The following NPFFR1 variants were observed in gnomAD, a reference collection of about 807,000 sequenced individuals.
NPFFR1 encodes G-protein coupled receptor 147.
A neutral mutation model predicts 12.7 loss-of-function variants in NPFFR1; 17 were observed. That is an observed-to-expected ratio of 1.34 (90% CI 0.92 to 2.01). The LOEUF (loss-of-function observed/expected upper bound fraction) is 2.01, where lower values mean the gene tolerates loss of function less well. Among genes scored for constraint, NPFFR1 ranks in the 30% most tolerant of loss-of-function variants. NPFFR1 has a pLI of 0.00. For missense variants in NPFFR1, 604 were observed against 606.5 expected, an observed-to-expected ratio of 1.00 and a Z score of 0.04; for synonymous variants, 296 against 264.5, an observed-to-expected ratio of 1.12 and a Z score of -1.16.
chr10:70,269,929 C>T (rs144952297), intron 1 of NPFFR1, among the ~76,000 whole-genome samples: 12 of 152,320 alleles, frequency 7.9e-5, no homozygotes, highest in South Asian at 2.1e-4. Context: ...TAGCTCCTCA[C>T]GCACTCCTGC....
At position 70,254,427 on chromosome 10, in the gene NPFFR1, G is replaced by C. The variant is rs575396815; in HGVS notation, c.*530C>G. ...GGGAGTGGCTTCAGTAACGGAACAT[G>C]AGGGACTCCCTCACATGGACACAAA... is the stretch of plus-strand genomic sequence containing the variant. On this transcript the variant is annotated 3_prime_UTR_variant, in exon 4 of 4. Transcript: ENST00000277942. The C allele has an allele frequency of 1.8e-3, 272 of 152,854 alleles. 1 individual carries two copies. The highest frequency in any genetic ancestry group is 1.9e-3 in the Non-Finnish European group (133 of 68,402). 9.5% of individuals were successfully genotyped at this position (152,854 alleles called of 1,614,324 possible).
chr10:70,267,896 G>A (rs1564595806), intron 1 of NPFFR1, among the ~76,000 whole-genome samples: 1 of 152,180 alleles, frequency 6.6e-6, no homozygotes, highest in Non-Finnish European at 1.5e-5. Flanking sequence ...GAGGGACTGC[G>A]GCGGGAGGCG....
chr10:70,247,518 C>T lies in NPFFR1; in HGVS notation c.*7439G>A, dbSNP rs1840462001. The T allele has an allele frequency of 6.6e-6, 1 of 152,134 alleles. No individual in the cohort carries two copies. The highest frequency in any genetic ancestry group is 2.1e-4 in the South Asian group (1 of 4,820). The allele number at this position is 152,134 out of a possible 1,614,324, so 9.4% of individuals were successfully genotyped here. A position where few individuals can be genotyped will look rare whatever the true frequency, so the allele number is the denominator to read the frequency against. ...TACTCCTCCTGGGGGGCAGTCAAAACACAGAAATGTAGATCGCTCAGTCAC... is the reference window on the plus strand; with the variant it reads ...TACTCCTCCTGGGGGGCAGTCAAAATACAGAAATGTAGATCGCTCAGTCAC... On this transcript the variant is annotated 3_prime_UTR_variant, in exon 4 of 4. Transcript: ENST00000277942.
At position 70,254,531 on chromosome 10, in the gene NPFFR1, A is replaced by G. The variant is rs977973194; in HGVS notation, c.*426T>C. 2 of 165,070 alleles carry G rather than the reference A, an allele frequency of 1.2e-5. No homozygotes were observed. Among genetic ancestry groups the G allele is most frequent in the African/African-American group, 2.4e-5 (1 of 42,012 alleles). 10.2% of individuals were successfully genotyped at this position (165,070 alleles called of 1,614,324 possible). A position where few individuals can be genotyped will look rare whatever the true frequency, so the allele number is the denominator to read the frequency against. On this transcript the variant is annotated 3_prime_UTR_variant, in exon 4 of 4. Transcript: ENST00000277942. ...GGACTTACTCAGTTCACAGTGTTCT[A>G]CCTTACCGGGCCCTCTTGGAGCCAG...
At chr10:70,271,790 T>C (rs1840744346) in intron 1 of NPFFR1, among the ~76,000 whole-genome samples, 1 of 151,960 alleles carries the variant, frequency 6.6e-6, no homozygotes, top group Non-Finnish European at 1.5e-5. Flanking sequence ...AGCATAATTT[T>C]TTATAATACA....
intron 1 of NPFFR1, among the ~76,000 whole-genome samples, chr10:70,273,821 GC>G (rs1564597047): frequency 6.6e-6 from 1 of 152,138 alleles, no homozygotes; most frequent in Non-Finnish European, 1.5e-5. Flanking sequence ...CGTTTCTGTT[GC>G]TTATAACCCT....
intron 1 of NPFFR1, among the ~76,000 whole-genome samples, chr10:70,280,844 A>G (rs1379159688): frequency 6.6e-6 from 1 of 152,126 alleles, no homozygotes; most frequent in Non-Finnish European, 1.5e-5. Flanking sequence ...TCTACTAAAA[A>G]CACAAAAATT....
chr10:70,248,491 T>TTC lies in NPFFR1; in HGVS notation c.*6465_*6466insGA. On this transcript the variant is annotated 3_prime_UTR_variant, in exon 4 of 4. Transcript: ENST00000277942. Reference sequence around the variant, plus strand: ...CGTTTTTTTTTTGTTTTTTGTTTTTTTTTTTTTTTTTTGAGATGGAGTCTC... The same window carrying TTC: ...CGTTTTTTTTTTGTTTTTTGTTTTTTTCTTTTTTTTTTTTGAGATGGAGTCTC... The TTC allele has an allele frequency of 7.3e-6, 1 of 136,846 alleles. No individual in the cohort carries two copies. The highest frequency in any genetic ancestry group is 1.6e-5 in the Non-Finnish European group (1 of 63,624). The allele number at this position is 136,846 out of a possible 1,614,324, so 8.5% of individuals were successfully genotyped here.
intron 1 of NPFFR1, among the ~76,000 whole-genome samples, chr10:70,282,819 C>T (rs1013333787): frequency 3.3e-5 from 5 of 152,120 alleles, no homozygotes; most frequent in African/African-American, 1.2e-4. Context: ...TTCCCCTTGT[C>T]CACAATGGCT....
intron 2 of NPFFR1, among the ~76,000 whole-genome samples, chr10:70,265,201 T>C (rs2136799572): frequency 6.6e-6 from 1 of 152,262 alleles, no homozygotes; most frequent in Admixed American, 6.5e-5. Flanking sequence ...CCCGAGTCAG[T>C]GAAGTCACTC....
At position 70,255,370 on chromosome 10, in the gene NPFFR1, C is replaced by A; in HGVS notation, c.880G>T (p.Asp294Tyr). The change falls in exon 4 of 4, where the codon GAC (aspartate) becomes TAC (tyrosine). Residue 294 changes from aspartate to tyrosine, a missense_variant. Asp to Tyr is a radical substitution (Grantham distance 160). Transcript: ENST00000277942. The surrounding 1 kb of genome is among the most constrained non-coding windows in gnomAD (Gnocchi z 4.2). ...LPLWALLLLI[D>Y]YGQLSAPQLH... ...TGCGGCGCGCTGAGCTGCCCGTAGT[C>A]GATGAGCAGCAGCAGCGCCCAGAGC... 1 of 1,554,392 alleles carries A rather than the reference C, an allele frequency of 6.4e-7. No individual in the cohort carries two copies. The highest frequency in any genetic ancestry group is 1.2e-5 in the South Asian group (1 of 84,628).
At position 70,255,188 on chromosome 10, in the gene NPFFR1, C is replaced by A; in HGVS notation, c.1062G>T (p.Gly354=). 6.5e-7 allele frequency: 1 copy of A among 1,549,460 alleles called. No individual in the cohort carries two copies. Among genetic ancestry groups the A allele is most frequent in the Non-Finnish European group, 8.7e-7 (1 of 1,150,286 alleles). ...FRARLCPRPS[G]SHKEAYSERP... is the part of the protein sequence containing the mutation. ...GCTCGGAGTAGGCCTCCTTGTGGCTCCCCGACGGGCGCGGGCAGAGGCGGG... is the reference window on the plus strand; with the variant it reads ...GCTCGGAGTAGGCCTCCTTGTGGCTACCCGACGGGCGCGGGCAGAGGCGGG... The change falls in exon 4 of 4, where the codon GGG becomes GGT. Residue 354 remains glycine, a synonymous_variant. Transcript: ENST00000277942. This position sits in a 1 kb window ranked among gnomAD's most constrained non-coding sequence, Gnocchi z 4.2.
Position 70,248,487 on chromosome 10 carries a change from T to TTTTG in NPFFR1, c.*6469_*6470insCAAA. 9.0e-6 allele frequency: 1 copy of TTTTG among 111,444 alleles called. No individual in the cohort carries two copies. Among genetic ancestry groups the TTTTG allele is most frequent in the South Asian group, 3.2e-4 (1 of 3,096 alleles). The allele number at this position is 111,444 out of a possible 1,614,324, so 6.9% of individuals were successfully genotyped here. On this transcript the variant is annotated 3_prime_UTR_variant, in exon 4 of 4. Coordinates refer to ENST00000277942, the MANE Select transcript of NPFFR1 (RefSeq NM_022146.5). ...CTGGCGTTTTTTTTTTGTTTTTTGT[T>TTTTG]TTTTTTTTTTTTTTTTGAGATGGAG...
rs964959680 is a variant in NPFFR1 at position 70,249,971 on chromosome 10, C to T, written c.*4986G>A. ...TGTCACCCAGGTTGGAGTGCAGTGGCGCAATTTTGGCTCACTGCATCCTCT... is the reference window on the plus strand; with the variant it reads ...TGTCACCCAGGTTGGAGTGCAGTGGTGCAATTTTGGCTCACTGCATCCTCT... On this transcript the variant is annotated 3_prime_UTR_variant, in exon 4 of 4. Transcript: ENST00000277942. The T allele has an allele frequency of 3.6e-4, 52 of 142,976 alleles. No individual in the cohort carries two copies. The highest frequency in any genetic ancestry group is 2.2e-4 in the Admixed American group (3 of 13,924). The allele number at this position is 142,976 out of a possible 1,614,324, so 8.9% of individuals were successfully genotyped here. A position where few individuals can be genotyped will look rare whatever the true frequency, so the allele number is the denominator to read the frequency against.
chr10:70,255,585 G>C lies in NPFFR1; in HGVS notation c.665C>G (p.Ser222Trp). Residue 222 changes from serine to tryptophan, a missense_variant, in exon 4 of 4, where the codon TCG becomes TGG. Physicochemically the swap from Ser to Trp is radical, Grantham distance 177. Transcript: ENST00000277942. This position sits in a 1 kb window ranked among gnomAD's most constrained non-coding sequence, Gnocchi z 4.2. ...CGCCAGCGGCGCCAGGTAGATGTGCGAGAAGAGCACAGTGGTGTAGACCCT... is the reference window on the plus strand; with the variant it reads ...CGCCAGCGGCGCCAGGTAGATGTGCCAGAAGAGCACAGTGGTGTAGACCCT... ...MRRVYTTVLF[S>W]HIYLAPLALI... 6 of 1,553,456 alleles carry C rather than the reference G, an allele frequency of 3.9e-6. No homozygotes were observed. Among genetic ancestry groups the C allele is most frequent in the Non-Finnish European group, 4.4e-6 (5 of 1,148,474 alleles).
chr10:70,272,658 A>C (rs1840762762), intron 1 of NPFFR1, among the ~76,000 whole-genome samples: 1 of 152,234 alleles, frequency 6.6e-6, no homozygotes, highest in South Asian at 2.1e-4. Flanking sequence ...ACAGATCGGC[A>C]ATGACTGAAT....
In NPFFR1 at chr10:70,253,505, C is replaced by T. The variant is rs574990995; in HGVS notation, c.*1452G>A. On this transcript the variant is annotated 3_prime_UTR_variant, in exon 4 of 4. Coordinates refer to ENST00000277942, the MANE Select transcript of NPFFR1 (RefSeq NM_022146.5). ...GACAATAACATTCAATCTCCTTCAA[C>T]CTCATTACTATGGATTAAATGAGAC... 6.6e-6 allele frequency: 1 copy of T among 152,264 alleles called. No individual in the cohort carries two copies. The highest frequency in any genetic ancestry group is 2.4e-5 in the African/African-American group (1 of 41,540). 9.4% of individuals were successfully genotyped at this position (152,264 alleles called of 1,614,324 possible).
At chr10:70,265,482 C>T (rs925537049) in intron 2 of NPFFR1, among the ~76,000 whole-genome samples, 11 of 152,122 alleles carry the variant, frequency 7.2e-5, no homozygotes, top group African/African-American at 2.4e-5. Flanking sequence ...CCGGCCAGTC[C>T]CTGCTTAGAC....
At position 70,283,765 on chromosome 10, in the gene NPFFR1, C is replaced by A; in HGVS notation, c.-89G>T. 1 of 1,444,196 alleles carries A rather than the reference C, an allele frequency of 6.9e-7. No individual in the cohort carries two copies. Among genetic ancestry groups the A allele is most frequent in the South Asian group, 1.2e-5 (1 of 81,678 alleles). The allele number at this position is 1,444,196 out of a possible 1,614,324, so 89.5% of individuals were successfully genotyped here. A position where few individuals can be genotyped will look rare whatever the true frequency, so the allele number is the denominator to read the frequency against. On this transcript the variant is annotated 5_prime_UTR_variant, in exon 1 of 4. Coordinates refer to ENST00000277942, the MANE Select transcript of NPFFR1 (RefSeq NM_022146.5). Reference sequence around the variant, plus strand: ...AGCGGGCAGAGGGACGGTCTCCGGGCACTTGGTTGCGGGCTGCGCCCCTGC... The same window carrying A: ...AGCGGGCAGAGGGACGGTCTCCGGGAACTTGGTTGCGGGCTGCGCCCCTGC...
Sources: gnomAD v4.1 joint callset for allele counts (sites outside exome capture counted in the v4.1 genomes callset) on GRCh38, gnomAD v4.1.1 for gene constraint, Gnocchi (gnomAD v3.1) non-coding constraint, MANE v1.5 for transcripts, NCBI Gene and HGNC (gene_info 2026-07-23, HGNC 2026-07-21) for gene names.